Variants in RHOBTB1 observed in about 807,000 individuals in gnomAD.
RHOBTB1 encodes Rho related BTB domain containing 1.
In RHOBTB1, 40 loss-of-function variants were observed where a neutral mutation model predicts 71.6. The ratio of observed to expected loss-of-function variants is 0.56; its 90% CI spans 0.43 to 0.73. The LOEUF is 0.73. Among genes scored for constraint, RHOBTB1 ranks in the 30% least tolerant of loss-of-function variants. RHOBTB1 has a pLI of 0.00. For synonymous variants in RHOBTB1, 319 were observed against 334.9 expected, an observed-to-expected ratio of 0.95 and a Z score of 0.52; for missense variants, 797 against 894.0, an observed-to-expected ratio of 0.89 and a Z score of 1.38.
At chr10:60,924,690 T>C (rs2083767525) in intron 2 of RHOBTB1, among the ~76,000 whole-genome samples, 1 of 152,224 alleles carries the variant, frequency 6.6e-6, no homozygotes, top group Non-Finnish European at 1.5e-5. Context: ...AGTTGCAGAA[T>C]ACATATTCTT....
At chr10:60,864,927 G>A (rs1235884901), downstream of RHOBTB1, among the ~76,000 whole-genome samples, 3 of 152,190 alleles carry the variant, frequency 2.0e-5, no homozygotes, top group Non-Finnish European at 2.9e-5. Context: ...CTGGCCTCAA[G>A]TGATCTGCCT....
At chr10:60,969,717 C>G (rs566773186) in intron 2 of RHOBTB1, among the ~76,000 whole-genome samples, 1 of 152,164 alleles carries the variant, frequency 6.6e-6, no homozygotes, top group Non-Finnish European at 1.5e-5. Context: ...TCATCTATGA[C>G]CTTTGAAGTC....
At chr10:60,929,527 CA>C (rs2084102556) in intron 2 of RHOBTB1, among the ~76,000 whole-genome samples, 1 of 151,886 alleles carries the variant, frequency 6.6e-6, no homozygotes, top group African/African-American at 2.4e-5. Context: ...AACAAACAAA[CA>C]AAAGGTACCC....
chr10:60,961,390 AG>A (rs1194517390), intron 2 of RHOBTB1, among the ~76,000 whole-genome samples: 1 of 152,108 alleles, frequency 6.6e-6, no homozygotes, highest in Admixed American at 6.5e-5. Context: ...CCTCTCCAAA[AG>A]GGGGGCAAAT....
chr10:60,895,696 G>A (rs1361763991), intron 4 of RHOBTB1, among the ~76,000 whole-genome samples: 4 of 152,260 alleles, frequency 2.6e-5, no homozygotes, highest in Admixed American at 2.0e-4. Context: ...AAGCCACCGC[G>A]CCCGGCCCAA....
At chr10:60,864,194 G>C in the RHOBTB1 span, among the ~76,000 whole-genome samples, 2 of 152,256 alleles carry the variant, frequency 1.3e-5, no homozygotes, top group East Asian at 3.9e-4. Flanking sequence ...TGAACCACTT[G>C]CTTGGGAATC....
intron 2 of RHOBTB1, among the ~76,000 whole-genome samples, chr10:60,925,852 G>A (rs1407780312): frequency 6.6e-6 from 1 of 152,140 alleles, no homozygotes; most frequent in Non-Finnish European, 1.5e-5. Flanking sequence ...TACAAAGATA[G>A]AGCCATGAAG....
chr10:60,929,679 T>C (rs1251628078), intron 2 of RHOBTB1, among the ~76,000 whole-genome samples: 1 of 152,122 alleles, frequency 6.6e-6, no homozygotes, highest in African/African-American at 2.4e-5. Context: ...CAATTCATAA[T>C]AGAAGTAACA....
At chr10:60,955,049 T>C (rs1440070602) in intron 2 of RHOBTB1, among the ~76,000 whole-genome samples, 1 of 147,844 alleles carries the variant, frequency 6.8e-6, no homozygotes, top group African/African-American at 2.5e-5. Flanking sequence ...CTTTCTTTTT[T>C]TTTTTTTTTT....
chr10:60,986,335 T>C (rs901315479), intron 1 of RHOBTB1, among the ~76,000 whole-genome samples: 1 of 150,584 alleles, frequency 6.6e-6, no homozygotes, highest in African/African-American at 2.4e-5. Context: ...TATTTATTTA[T>C]GCCATGACTT....
At chr10:60,887,555 C>A (rs986217387) in intron 6 of RHOBTB1, among the ~76,000 whole-genome samples, 1 of 152,142 alleles carries the variant, frequency 6.6e-6, no homozygotes, top group African/African-American at 2.4e-5. Flanking sequence ...AAGGGTGCTG[C>A]GGGCAGCATA....
chr10:60,889,637 AGT>A (rs1418779691), intron 5 of RHOBTB1, among the ~76,000 whole-genome samples: 1 of 152,018 alleles, frequency 6.6e-6, no homozygotes, highest in East Asian at 1.9e-4. Context: ...CTAAATAGAG[AGT>A]GTTTTACTTC....
At position 60,918,182 on chromosome 10, in the gene RHOBTB1, T is replaced by C. The variant is rs950635096; in HGVS notation, c.-10-6630A>G. 8.5e-5 allele frequency among the ~76,000 whole-genome samples: 13 copies of C among 152,214 alleles called. No individual in the cohort carries two copies. The East Asian group carries it at 2.3e-3, about 27-fold the overall frequency. ...ACACCCCTTTTCTGCAAAGCCTTTCTTGACTACCCCTCTGGTCCAAAGGTC... is the reference window on the plus strand; with the variant it reads ...ACACCCCTTTTCTGCAAAGCCTTTCCTGACTACCCCTCTGGTCCAAAGGTC... On this transcript the variant is annotated intron_variant, in intron 2 of 10. Coordinates refer to ENST00000337910, the MANE Select transcript of RHOBTB1 (RefSeq NM_014836.5).
intron 9 of RHOBTB1, among the ~76,000 whole-genome samples, chr10:60,872,948 G>A (rs1015277796): frequency 2.6e-5 from 4 of 152,122 alleles, no homozygotes; most frequent in African/African-American, 4.8e-5. Context: ...GGCCTGCTGC[G>A]ATCCCTCACT....
At chr10:60,972,800 TC>T (rs1400167337) in intron 2 of RHOBTB1, among the ~76,000 whole-genome samples, 1 of 152,064 alleles carries the variant, frequency 6.6e-6, no homozygotes, top group Non-Finnish European at 1.5e-5. Flanking sequence ...TCAAGCTTAA[TC>T]TAACTACTGC....
At chr10:60,960,659 T>C (rs568559465) in intron 2 of RHOBTB1, among the ~76,000 whole-genome samples, 1 of 152,304 alleles carries the variant, frequency 6.6e-6, no homozygotes, top group Admixed American at 6.5e-5. Context: ...TGCTTTCTTA[T>C]TTATGGGAGA....
chr10:60,923,211 T>C (rs531699994), intron 2 of RHOBTB1, among the ~76,000 whole-genome samples: 88 of 152,264 alleles, frequency 5.8e-4, no homozygotes, highest in African/African-American at 2.0e-3. Context: ...AGCATAGACA[T>C]GTACAAGCAA....
downstream of RHOBTB1, among the ~76,000 whole-genome samples, chr10:60,864,440 A>T (rs2080628575): frequency 6.6e-6 from 1 of 152,182 alleles, no homozygotes; most frequent in South Asian, 2.1e-4. Flanking sequence ...ATTTGAATAA[A>T]ACGGAAACAT....
chr10:60,904,510 A>G (rs956618749), intron 4 of RHOBTB1, among the ~76,000 whole-genome samples: 1 of 152,170 alleles, frequency 6.6e-6, no homozygotes, highest in African/African-American at 2.4e-5. Flanking sequence ...TGTTACAGAA[A>G]TGGAATCACA....
Sources: gnomAD v4.1 joint callset for allele counts (sites outside exome capture counted in the v4.1 genomes callset) on GRCh38, gnomAD v4.1.1 for gene constraint, MANE v1.5 for transcripts, NCBI Gene and HGNC (gene_info 2026-07-23, HGNC 2026-07-21) for gene names.